AFF3: variants seen among roughly 807,000 people sequenced by gnomAD.
AFF3 encodes ALF transcription elongation factor 3, also known as AF4/FMR2 family member 3.
In AFF3, 32 loss-of-function variants were observed where a neutral mutation model predicts 129.7. The ratio of observed to expected loss-of-function variants is 0.25; its 90% confidence interval spans 0.19 to 0.33. The LOEUF is 0.33. Among genes scored for constraint, AFF3 ranks in the 10% least tolerant of loss-of-function variants. The probability of loss-of-function intolerance (pLI) is 1.00; values close to 1 mark genes in which losing one functional copy is unlikely to be tolerated. For synonymous variants in AFF3, 644 were observed against 635.4 expected (o/e 1.01, Z -0.20); for missense variants, 1,373 against 1,592.0 (o/e 0.86, Z 2.34).
chr2:99,808,538 A>G (rs1686533489), intron 8 of AFF3, among the ~76,000 whole-genome samples: 1 of 152,196 alleles, frequency 6.6e-6, no homozygotes, highest in African/African-American at 2.4e-5. Context: ...TTCTAGTTAC[A>G]AACACAAACC....
At chr2:100,095,862 C>T (rs1337231496) in intron 4 of AFF3, among the ~76,000 whole-genome samples, 2 of 152,184 alleles carry the variant, frequency 1.3e-5, no homozygotes, top group African/African-American at 4.8e-5. Context: ...AGTTTGGCCA[C>T]CTAATGGACT....
At chr2:100,109,874 A>G (rs1005974242) in intron 2 of AFF3, 3 of 152,028 alleles carry the variant, frequency 2.0e-5, no homozygotes, top group Admixed American at 6.5e-5. Context: ...GTGATACCAT[A>G]CTCCACCTCC....
At chr2:99,742,898 G>C (rs1680835631) in intron 10 of AFF3, among the ~76,000 whole-genome samples, 1 of 152,156 alleles carries the variant, frequency 6.6e-6, no homozygotes, top group African/African-American at 2.4e-5. Context: ...GGCAGAAGGT[G>C]CATTTATTCA....
chr2:100,006,669 G>A lies in AFF3; in HGVS notation c.836C>T (p.Ala279Val), dbSNP rs1681999917. Residue 279 changes from alanine to valine, a missense_variant, in exon 7 of 25, where the codon GCC (alanine) becomes GTC (valine). Ala to Val is a moderately conservative substitution (Grantham distance 64). Coordinates refer to ENST00000672756, the MANE Select transcript of AFF3 (RefSeq NM_001386135.1). ...ASKPEPARAK[A>V]KLSKFSIPKQ... The stretch of plus-strand genomic sequence containing the variant: ...GGGGATGCTGAACTTGGAGAGCTTG[G>A]CCTTGGCTCTGGCAGGCTCCGGCTT... 1 of 1,612,254 alleles carries A rather than the reference G, an allele frequency of 6.2e-7. No individual in the cohort carries two copies.
intron 7 of AFF3, among the ~76,000 whole-genome samples, chr2:100,000,533 TACAC>T (rs1057447097): frequency 6.9e-6 from 1 of 145,816 alleles, no homozygotes; most frequent in Non-Finnish European, 1.5e-5. Flanking sequence ...CACACACACA[TACAC>T]AAACATAAAA....
rs544934303 is a variant in AFF3 at position 99,828,530 on chromosome 2, T to C, written c.921+8947A>G. 1.2e-3 allele frequency among the ~76,000 whole-genome samples: 184 copies of C among 152,254 alleles called. 1 individual carries two copies. Among genetic ancestry groups the C allele is most frequent in the Non-Finnish European group, 2.2e-3 (151 of 68,016 alleles). ...ACAAGCAAGGCAGCAAGCACGAACG[T>C]GTAGCGAGCTAGCAGAGACCGCCAC... On this transcript the variant is annotated intron_variant, in intron 8 of 24. Coordinates refer to ENST00000672756, the MANE Select transcript of AFF3 (RefSeq NM_001386135.1).
intron 7 of AFF3, among the ~76,000 whole-genome samples, chr2:99,988,753 A>T (rs544678159): frequency 4.3e-4 from 65 of 152,240 alleles, no homozygotes; most frequent in African/African-American, 1.5e-3. Flanking sequence ...TGGGTTCTGT[A>T]GAACACATGG....
chr2:99,905,462 A>T (rs1694647657), intron 7 of AFF3, among the ~76,000 whole-genome samples: 1 of 152,280 alleles, frequency 6.6e-6, no homozygotes, highest in African/African-American at 2.4e-5. Flanking sequence ...CTCAAAAATT[A>T]AGACTATATC....
intron 12 of AFF3, among the ~76,000 whole-genome samples, chr2:99,668,565 GTT>G (rs1468271963): frequency 1.3e-5 from 2 of 151,196 alleles, no homozygotes; most frequent in Non-Finnish European, 2.9e-5. Flanking sequence ...TTTTGTTTTT[GTT>G]TTGTTTTTTT....
At position 99,550,070 on chromosome 2, in the gene AFF3, T is replaced by G. The variant is rs554858255; in HGVS notation, c.*1404A>C. 5 of 227,666 alleles carry G rather than the reference T, an allele frequency of 2.2e-5. No homozygotes were observed. In the East Asian group the frequency reaches 3.1e-4, roughly 14 times the overall value. 14.1% of individuals were successfully genotyped at this position (227,666 alleles called of 1,614,324 possible). ...GGAGTTATTTTCTTTTCGTCAAGAT[T>G]TCATATCCAAATATATTTAACAAGA... On this transcript the variant is annotated 3_prime_UTR_variant, in exon 25 of 25. Transcript: ENST00000672756.
Position 100,016,587 on chromosome 2 carries a change from GTGA to G in AFF3, c.54-7658_54-7656del, listed in dbSNP as rs1425005940. Among the ~76,000 whole-genome samples, 51 of 147,710 alleles carry G rather than the reference GTGA, an allele frequency of 3.5e-4. 1 individual carries two copies. The highest frequency in any genetic ancestry group is 1.2e-3 in the African/African-American group (45 of 37,898). ...GGTGGTGAACATGTTAGTGACAGTA[GTGA>G]TGGTGGTGGTGGTAGTGGTGGTAAT... is the stretch of plus-strand genomic sequence containing the variant. On this transcript the variant is annotated intron_variant, in intron 4 of 24. Coordinates refer to ENST00000672756, the MANE Select transcript of AFF3 (RefSeq NM_001386135.1).
At chr2:99,995,817 T>C (rs1680789213) in intron 7 of AFF3, among the ~76,000 whole-genome samples, 1 of 152,178 alleles carries the variant, frequency 6.6e-6, no homozygotes, top group South Asian at 2.1e-4. Context: ...CTGTTTACAA[T>C]GTAATTAGGA....
intron 11 of AFF3, among the ~76,000 whole-genome samples, chr2:99,724,518 C>G (rs1424085142): frequency 2.0e-5 from 3 of 151,914 alleles, no homozygotes; most frequent in African/African-American, 7.3e-5. Context: ...GGTGATCCAC[C>G]CACCTGGGCC....
At chr2:100,048,779 T>C (rs1040380489) in intron 4 of AFF3, among the ~76,000 whole-genome samples, 4 of 152,238 alleles carry the variant, frequency 2.6e-5, no homozygotes, top group African/African-American at 9.6e-5. Context: ...TAGAAATGTA[T>C]GAGTATAATC....
chr2:99,660,096 T>G (rs560220948), intron 12 of AFF3, among the ~76,000 whole-genome samples: 1 of 152,324 alleles, frequency 6.6e-6, no homozygotes, highest in South Asian at 2.1e-4. Flanking sequence ...TTGTTCAGTT[T>G]GCCAAATACA....
In AFF3 at chr2:99,550,487, T is replaced by G. The variant is rs1414088677; in HGVS notation, c.*987A>C. On this transcript the variant is annotated 3_prime_UTR_variant, in exon 25 of 25. Transcript: ENST00000672756. ...AGGGACAATCTAGGTAATGGCCTCA[T>G]TTAGCCAAGAAAATCTGTAAGAAAG... 4.3e-6 allele frequency: 1 copy of G among 231,146 alleles called. No homozygotes were observed. Among genetic ancestry groups the G allele is most frequent in the Non-Finnish European group, 8.6e-6 (1 of 116,792 alleles). 14.3% of individuals were successfully genotyped at this position (231,146 alleles called of 1,614,324 possible).
intron 13 of AFF3, among the ~76,000 whole-genome samples, chr2:99,612,447 A>G (rs1681025857): frequency 6.6e-6 from 1 of 152,276 alleles, no homozygotes; most frequent in Admixed American, 6.5e-5. Context: ...TGAAAAGGAC[A>G]TGTTACCAAG....
At chr2:99,666,523 T>C (rs974596471) in intron 12 of AFF3, among the ~76,000 whole-genome samples, 1 of 151,958 alleles carries the variant, frequency 6.6e-6, no homozygotes, top group East Asian at 1.9e-4. Flanking sequence ...AAACAAAAAA[T>C]AGAGTGGTAG....
chr2:100,108,676 C>T (rs996226645), intron 2 of AFF3, among the ~76,000 whole-genome samples: 1 of 152,088 alleles, frequency 6.6e-6, no homozygotes, highest in Non-Finnish European at 1.5e-5. Flanking sequence ...GCCAATACCC[C>T]GGTCGAGGGC....
Sources: allele counts gnomAD v4.1 joint callset (sites outside exome capture counted in the v4.1 genomes callset), GRCh38; gene constraint gnomAD v4.1.1; transcripts MANE v1.5; gene names NCBI Gene and HGNC (gene_info 2026-07-23, HGNC 2026-07-21).